NRXN1: variants seen among roughly 807,000 people sequenced by gnomAD.
NRXN1 encodes the protein neurexin 1, also known as neurexin-1.
Under a neutral mutation model 150.9 loss-of-function variants are expected in NRXN1, and 39 were observed. The ratio of observed to expected loss-of-function variants is 0.26; its 90% confidence interval spans 0.20 to 0.34. The LOEUF (loss-of-function observed/expected upper bound fraction) is 0.34. Ranked by LOEUF, NRXN1 falls within the 10% of genes least tolerant of loss-of-function variation. The pLI, the probability that NRXN1 is intolerant of heterozygous loss-of-function variation, is 1.00. For synonymous variants in NRXN1, 924 were observed against 757.0 expected (o/e 1.22, Z -3.62); for missense variants, 1,815 against 1,949.9 (o/e 0.93, Z 1.30).
At chr2:50,845,019 A>C (rs538278016) in intron 5 of NRXN1, among the ~76,000 whole-genome samples, 1 of 151,990 alleles carries the variant, frequency 6.6e-6, no homozygotes, top group Non-Finnish European at 1.5e-5. Flanking sequence ...TCACCTAGCT[A>C]ATTTTCAAAA....
At chr2:50,690,466 A>G (rs1022200306) in intron 5 of NRXN1, among the ~76,000 whole-genome samples, 8 of 152,178 alleles carry the variant, frequency 5.3e-5, no homozygotes, top group African/African-American at 1.9e-4. Context: ...AATCCATCAT[A>G]TCATGAAGCC....
intron 8 of NRXN1, among the ~76,000 whole-genome samples, chr2:50,589,947 T>C (rs1183886466): frequency 1.3e-5 from 2 of 152,220 alleles, no homozygotes; most frequent in Non-Finnish European, 2.9e-5. Context: ...TTCACTATTA[T>C]ATCCTTAATA....
At chr2:50,463,934 A>T (rs1403674422) in intron 17 of NRXN1, 1 of 151,598 alleles carries the variant, frequency 6.6e-6, no homozygotes, top group Non-Finnish European at 1.5e-5. Flanking sequence ...AAATCTTAAC[A>T]AGTATTCAGT....
intron 12 of NRXN1, among the ~76,000 whole-genome samples, chr2:50,515,523 A>G (rs2092602476): frequency 6.6e-6 from 1 of 151,922 alleles, no homozygotes; most frequent in Admixed American, 6.6e-5. Flanking sequence ...AAGTCCTTCT[A>G]CTTATAAAAT....
chr2:50,893,521 A>C (rs989043172), intron 5 of NRXN1, among the ~76,000 whole-genome samples: 5 of 152,108 alleles, frequency 3.3e-5, no homozygotes, highest in African/African-American at 1.2e-4. Context: ...AAAGGACCAA[A>C]AGATTCTTCT....
At chr2:50,805,699 T>G (rs1667421294) in intron 5 of NRXN1, among the ~76,000 whole-genome samples, 1 of 152,150 alleles carries the variant, frequency 6.6e-6, no homozygotes, top group African/African-American at 2.4e-5. Context: ...GCTTTTTATT[T>G]TGAATTAATA....
chr2:50,358,407 A>G (rs1210601126), intron 17 of NRXN1, among the ~76,000 whole-genome samples: 2 of 152,268 alleles, frequency 1.3e-5, no homozygotes, highest in Middle Eastern at 3.4e-3. Context: ...AGGGACGTCC[A>G]CCATTACTGA....
At chr2:50,606,116 G>A (rs1677071356) in intron 8 of NRXN1, among the ~76,000 whole-genome samples, 1 of 152,068 alleles carries the variant, frequency 6.6e-6, no homozygotes, top group Admixed American at 6.5e-5. Context: ...CAGGCATGGT[G>A]GCATAGGCCT....
intron 5 of NRXN1, among the ~76,000 whole-genome samples, chr2:50,868,259 T>G (rs1346870642): frequency 6.8e-6 from 1 of 146,246 alleles, no homozygotes; most frequent in Non-Finnish European, 1.5e-5. Flanking sequence ...GGAACATGGT[T>G]GGAACTGGAA....
intron 17 of NRXN1, among the ~76,000 whole-genome samples, chr2:50,284,534 T>C (rs764639008): frequency 3.9e-5 from 6 of 152,196 alleles, no homozygotes; most frequent in Non-Finnish European, 7.3e-5. Flanking sequence ...AATCTTCATA[T>C]GGAAAAAGGC....
At chr2:50,965,111 C>T (rs1693845348) in intron 2 of NRXN1, among the ~76,000 whole-genome samples, 1 of 151,228 alleles carries the variant, frequency 6.6e-6, no homozygotes, top group African/African-American at 2.4e-5. Flanking sequence ...CTATTCTTCC[C>T]TCAAATACTA....
At chr2:50,198,206 C>G (rs1267564960) in intron 18 of NRXN1, among the ~76,000 whole-genome samples, 6 of 152,160 alleles carry the variant, frequency 3.9e-5, no homozygotes, top group East Asian at 1.9e-4. Context: ...AATAAAGAAT[C>G]TAGCAGTTGG....
In NRXN1 at chr2:50,620,052, G is replaced by A. The variant is rs1052421869; in HGVS notation, c.1290C>T (p.Val430=). Residue 430 remains valine, a synonymous_variant, in exon 8 of 23, where the codon GTC becomes GTT. Transcript: ENST00000401669. ...TGAGACAGCCCATAAAGTTGTTACT[G>A]ACTGGTGACCCTGGAAGGTCGGCTG... The part of the protein sequence containing the change: ...PSTADLPGSP[V]SNNFMGCLKE... 1 of 1,609,538 alleles carries A rather than the reference G, an allele frequency of 6.2e-7. No individual in the cohort carries two copies. The highest frequency in any genetic ancestry group is 8.5e-7 in the Non-Finnish European group (1 of 1,177,622).
At chr2:49,996,791 C>G (rs535083726) in intron 21 of NRXN1, among the ~76,000 whole-genome samples, 51 of 152,150 alleles carry the variant, frequency 3.4e-4, no homozygotes, top group Non-Finnish European at 7.1e-4. Flanking sequence ...GACTTCCAAC[C>G]CCTAGAACTG....
At chr2:50,571,607 T>A (rs1048080552) in intron 8 of NRXN1, among the ~76,000 whole-genome samples, 2 of 151,700 alleles carry the variant, frequency 1.3e-5, no homozygotes, top group Non-Finnish European at 2.9e-5. Context: ...CATAGTGAGA[T>A]CATAAAATGA....
Position 50,538,525 on chromosome 2 carries a change from C to A in NRXN1, c.1871G>T (p.Gly624Val). Residue 624 changes from glycine (G) to valine (V), a missense_variant, in exon 10 of 23, where the codon GGC becomes GTC. Transcript: ENST00000401669. ...YLGGLPENKA[G>V]LVFPTEVWTA... ...CCACACCTCGGTGGGGAAGACAAGGCCAGCTTTATTTTCTGGCAGCCCCCC... is the reference window on the plus strand; with the variant it reads ...CCACACCTCGGTGGGGAAGACAAGGACAGCTTTATTTTCTGGCAGCCCCCC... 1.3e-6 allele frequency: 2 copies of A among 1,599,806 alleles called. No homozygotes were observed. Among genetic ancestry groups the A allele is most frequent in the Non-Finnish European group, 1.7e-6 (2 of 1,171,254 alleles).
At chr2:50,422,408 A>T (rs892752821) in intron 17 of NRXN1, among the ~76,000 whole-genome samples, 4 of 152,214 alleles carry the variant, frequency 2.6e-5, no homozygotes, top group African/African-American at 9.6e-5. Context: ...CCATGAAAAT[A>T]AATAAAAATA....
At chr2:50,673,103 C>T (rs758276008) in intron 5 of NRXN1, among the ~76,000 whole-genome samples, 23 of 151,968 alleles carry the variant, frequency 1.5e-4, no homozygotes, top group Non-Finnish European at 7.4e-5. Flanking sequence ...AAAATGAAGA[C>T]GGTGGCAATA....
rs1258415841 is a variant in NRXN1 at position 50,945,414 on chromosome 2, A to G, written c.773-19459T>C. ...AAGAGGTGGAGGATGCAATAAGCTG[A>G]GATCGTGCCAGTGATTTCCAGCCTG... On this transcript the variant is annotated intron_variant, in intron 2 of 22. Coordinates refer to ENST00000401669, the MANE Select transcript of NRXN1 (RefSeq NM_001330078.2). Among the ~76,000 whole-genome samples, 10 of 152,072 alleles carry G rather than the reference A, an allele frequency of 6.6e-5. No homozygotes were observed. In the East Asian group the frequency reaches 1.9e-3, roughly 29 times the overall value.
Sources: allele counts gnomAD v4.1 joint callset (sites outside exome capture counted in the v4.1 genomes callset), GRCh38; gene constraint gnomAD v4.1.1; transcripts MANE v1.5; gene names NCBI Gene and HGNC (gene_info 2026-07-23, HGNC 2026-07-21).